DIS3: variants seen among roughly 807,000 people sequenced by gnomAD.
The protein encoded by DIS3 is DIS3 exosome endoribonuclease and 3'-5' exoribonuclease.
DIS3 carries 103 observed loss-of-function variants against 113.0 expected under a neutral mutation model. That is an observed-to-expected ratio of 0.91 (90% CI 0.78 to 1.07). DIS3 has a LOEUF of 1.07. Ranked by LOEUF, DIS3 falls within the 50% of genes least tolerant of loss-of-function variation. The pLI is 0.00. For missense variants in DIS3, 1,121 were observed against 1,167.1 expected, an observed-to-expected ratio of 0.96 and a Z score of 0.58; for synonymous variants, 402 against 394.3, an observed-to-expected ratio of 1.02 and a Z score of -0.23.
At position 72,755,188 on chromosome 13, in the gene DIS3, C is replaced by T. The variant is rs773461818; in HGVS notation, c.*4607G>A. The T allele has an allele frequency of 8.1e-6, 13 of 1,613,564 alleles. No homozygotes were observed. Among genetic ancestry groups the T allele is most frequent in the Middle Eastern group, 1.6e-4 (1 of 6,082 alleles). ...ACACAGAGGTGTTGGATGAAAACAG[C>T]AAGCCCTTTTCAATGCAGCAGTCCA... On this transcript the variant is annotated 3_prime_UTR_variant, in exon 21 of 21. Coordinates refer to ENST00000377767, the MANE Select transcript of DIS3 (RefSeq NM_014953.5).
In DIS3 at chr13:72,753,861, T is replaced by A. The variant is rs948915480; in HGVS notation, c.*5934A>T. On this transcript the variant is annotated 3_prime_UTR_variant, in exon 21 of 21. Coordinates refer to ENST00000377767, the MANE Select transcript of DIS3 (RefSeq NM_014953.5). ...TAGTGAAAGCTTAATATTGTTTAGA[T>A]TAGAAATATAAAATAATTTTGATTA... is the stretch of plus-strand genomic sequence containing the variant. 1.4e-5 allele frequency: 22 copies of A among 1,536,234 alleles called. No individual in the cohort carries two copies. In the East Asian group the frequency reaches 4.5e-4, roughly 31 times the overall value.
rs143152331 is a variant in DIS3, at chr13:72,767,831, T to C, written c.1883+954A>G. On this transcript the variant is annotated intron_variant, in intron 14 of 20. Transcript: ENST00000377767. Reference sequence around the variant, plus strand: ...CACCTTTAGTAACTGCTTGTGACCCTATCCTAGAGGGGCTTGGGAACTCTG... The same window carrying C: ...CACCTTTAGTAACTGCTTGTGACCCCATCCTAGAGGGGCTTGGGAACTCTG... Among the ~76,000 whole-genome samples, 1,152 of 152,334 alleles carry C rather than the reference T, an allele frequency of 7.6e-3. 14 individuals carry two copies. The highest frequency in any genetic ancestry group is 0.014 in the Middle Eastern group (4 of 294).
At chr13:72,781,069 C>A (rs2034189230) in intron 1 of DIS3, 66 bp from the exon 2 acceptor site, 2 of 1,486,140 alleles carry the variant, frequency 1.3e-6, no homozygotes, top group Non-Finnish European at 1.8e-6. Flanking sequence ...AACATAAAAT[C>A]CTGTTTTATG....
chr13:72,779,750 G>A (rs1438796532), intron 2 of DIS3, among the ~76,000 whole-genome samples: 2 of 149,928 alleles, frequency 1.3e-5, no homozygotes, highest in Non-Finnish European at 3.0e-5. Context: ...ACAACTGAGT[G>A]GTGGTGGTGG....
chr13:72,781,016 TAA>T lies in DIS3; in HGVS notation c.229-15_229-14del. On this transcript the variant is annotated splice_polypyrimidine_tract_variant and intron_variant, in intron 1 of 20. Coordinates refer to ENST00000377767, the MANE Select transcript of DIS3 (RefSeq NM_014953.5). ...CAAGAACATCAATCTTAAAGAAAGA[TAA>T]AGTTAATTTTTCCTATATTCATTTG... 1 of 1,586,440 alleles carries T rather than the reference TAA, an allele frequency of 6.3e-7. No homozygotes were observed. Among genetic ancestry groups the T allele is most frequent in the Non-Finnish European group, 8.5e-7 (1 of 1,170,432 alleles).
chr13:72,761,859 A>G (rs2033634004), intron 17 of DIS3, 45 bp from the exon 18 acceptor site: 1 of 1,611,852 alleles, frequency 6.2e-7, no homozygotes, highest in South Asian at 1.1e-5. Context: ...CAGTACTAAT[A>G]TGTGCTTTTA....
intron 14 of DIS3, among the ~76,000 whole-genome samples, chr13:72,766,459 GA>G (rs2033753747): frequency 6.6e-6 from 1 of 152,166 alleles, no homozygotes; most frequent in Non-Finnish European, 1.5e-5. Flanking sequence ...GGACAATAAA[GA>G]GGGGCAAAAG....
chr13:72,754,948 G>A lies in DIS3; in HGVS notation c.*4847C>T, dbSNP rs8002668. On this transcript the variant is annotated 3_prime_UTR_variant, in exon 21 of 21. Transcript: ENST00000377767. The stretch of plus-strand genomic sequence containing the variant: ...GGGCTAGTCCCAAACTCCTGGGCTC[G>A]TGCGATCCTCCCACCTTGGCCTCTC... 0.76 allele frequency: 376,430 copies of A among 493,276 alleles called. 144,498 individuals carry two copies. The highest frequency in any genetic ancestry group is 0.85 in the South Asian group (32,601 of 38,538). 30.6% of individuals were successfully genotyped at this position (493,276 alleles called of 1,614,324 possible). A position where few individuals can be genotyped will look rare whatever the true frequency, so the allele number is the denominator to read the frequency against.
In DIS3 at chr13:72,773,585, A is replaced by T. The variant is rs374273821; in HGVS notation, c.1239+99T>A. The T allele has an allele frequency of 4.3e-5, 57 of 1,326,670 alleles. No individual in the cohort carries two copies. The East Asian group carries it at 1.1e-3, about 26-fold the overall frequency. 82.2% of individuals were successfully genotyped at this position (1,326,670 alleles called of 1,614,324 possible). A position where few individuals can be genotyped will look rare whatever the true frequency, so the allele number is the denominator to read the frequency against. On this transcript the variant is annotated intron_variant, in intron 8 of 20. Transcript: ENST00000377767. ...TGAAATATCTCTAAATTTCAGTACA[A>T]ATTCTACATAAAAGTAGATTGTTTT...
rs754720975 is a variant in DIS3, at chr13:72,776,093, C to T, written c.655-1G>A. ...TTATTTTTCCACTTTCTATTTCATTCTATGAAAGAAGCAAACCAAAAGATG... is the reference window on the plus strand; with the variant it reads ...TTATTTTTCCACTTTCTATTTCATTTTATGAAAGAAGCAAACCAAAAGATG... On this transcript the variant is annotated splice_acceptor_variant, in intron 4 of 20. Transcript: ENST00000377767. LOFTEE classifies it high-confidence loss of function. 6.3e-7 allele frequency: 1 copy of T among 1,589,012 alleles called. No homozygotes were observed. Among genetic ancestry groups the T allele is most frequent in the South Asian group, 1.2e-5 (1 of 85,838 alleles).
intron 2 of DIS3, among the ~76,000 whole-genome samples, chr13:72,779,481 G>A (rs1296666178): frequency 6.6e-6 from 1 of 151,420 alleles, no homozygotes; most frequent in African/African-American, 2.4e-5. Flanking sequence ...TTTTAAACTT[G>A]GGTCTTTCTG....
At chr13:72,765,949 T>C (rs776086789) in intron 15 of DIS3, 23 bp downstream of exon 15, 26 of 1,553,352 alleles carry the variant, frequency 1.7e-5, no homozygotes, top group Middle Eastern at 1.7e-4. Flanking sequence ...TCTTATCTAA[T>C]GCCCATCAAA....
intron 15 of DIS3, among the ~76,000 whole-genome samples, chr13:72,764,215 G>A (rs2033697414): frequency 6.6e-6 from 1 of 151,986 alleles, no homozygotes; most frequent in South Asian, 2.1e-4. Context: ...TAAATGAAAT[G>A]AAAACAAGCA....
chr13:72,753,602 G>A lies in DIS3; in HGVS notation c.*6193C>T. Reference sequence around the variant, plus strand: ...TACATGTTAGGATCATTCAGATGTAGTGAATGAGAGTTTATAGTGGTTTAC... The same window carrying A: ...TACATGTTAGGATCATTCAGATGTAATGAATGAGAGTTTATAGTGGTTTAC... On this transcript the variant is annotated 3_prime_UTR_variant, in exon 21 of 21. Transcript: ENST00000377767. The A allele has an allele frequency of 1.5e-6, 2 of 1,299,282 alleles. No individual in the cohort carries two copies. Among genetic ancestry groups the A allele is most frequent in the Non-Finnish European group, 2.1e-6 (2 of 932,376 alleles). 80.5% of individuals were successfully genotyped at this position (1,299,282 alleles called of 1,614,324 possible).
At position 72,765,958 on chromosome 13, in the gene DIS3, A is replaced by C. The variant is rs764854402; in HGVS notation, c.1970+14T>G. On this transcript the variant is annotated intron_variant, in intron 15 of 20. Coordinates refer to ENST00000377767, the MANE Select transcript of DIS3 (RefSeq NM_014953.5). ...AAAAAATCTTATCTAATGCCCATCA[A>C]AAAAATTACAAACCTAAGTTCCTTG... The C allele has an allele frequency of 6.3e-6, 10 of 1,583,734 alleles. No homozygotes were observed. The highest frequency in any genetic ancestry group is 3.4e-4 in the Middle Eastern group (2 of 5,938).
rs1265253285 is a variant in DIS3 at position 72,755,370 on chromosome 13, AG to A, written c.*4424del. On this transcript the variant is annotated 3_prime_UTR_variant, in exon 21 of 21. Transcript: ENST00000377767. ...TGAAAAATCAAGGGCTTACTGACAT[AG>A]GAACAACAGAAATGCTCCTGGAACT... 15 of 570,446 alleles carry A rather than the reference AG, an allele frequency of 2.6e-5. No homozygotes were observed. Among genetic ancestry groups the A allele is most frequent in the Non-Finnish European group, 4.6e-5 (15 of 328,674 alleles). 35.3% of individuals were successfully genotyped at this position (570,446 alleles called of 1,614,324 possible).
Position 72,755,701 on chromosome 13 carries a change from G to C in DIS3, c.*4094C>G. On this transcript the variant is annotated 3_prime_UTR_variant, in exon 21 of 21. Coordinates refer to ENST00000377767, the MANE Select transcript of DIS3 (RefSeq NM_014953.5). Reference sequence around the variant, plus strand: ...TCAAAGATACAAAAGAAATTAAACAGGTTTCCTGAAATTTTAGTTCTTGGT... The same window carrying C: ...TCAAAGATACAAAAGAAATTAAACACGTTTCCTGAAATTTTAGTTCTTGGT... The C allele has an allele frequency of 2.5e-6, 1 of 396,236 alleles. No homozygotes were observed. Among genetic ancestry groups the C allele is most frequent in the Non-Finnish European group, 4.4e-6 (1 of 225,120 alleles). The allele number at this position is 396,236 out of a possible 1,614,324, so 24.5% of individuals were successfully genotyped here.
chr13:72,763,491 G>C lies in DIS3; in HGVS notation c.2087C>G (p.Pro696Arg). Residue 696 changes from proline (P) to arginine (R), a missense_variant, in exon 16 of 21, where the codon CCA (proline) becomes CGA (arginine). By Grantham distance (103) the Pro-to-Arg change is moderately radical. Coordinates refer to ENST00000377767, the MANE Select transcript of DIS3 (RefSeq NM_014953.5). ...CTTAACAAGAATTTCATAATTTGAT[G>C]GAGGTGGAGCAGGATGTTTTCGAAG... ...ALLRKHPAPP[P>R]SNYEILVKAA... is the part of the protein sequence containing the mutation. 1.2e-6 allele frequency: 2 copies of C among 1,613,472 alleles called. No individual in the cohort carries two copies. Among genetic ancestry groups the C allele is most frequent in the Non-Finnish European group, 1.7e-6 (2 of 1,179,874 alleles).
chr13:72,780,034 A>C (rs1226218767), intron 2 of DIS3, among the ~76,000 whole-genome samples: 2 of 152,000 alleles, frequency 1.3e-5, no homozygotes, highest in Non-Finnish European at 2.9e-5. Flanking sequence ...CACAACAAAG[A>C]ATTATATTCC....
Sources: allele counts gnomAD v4.1 joint callset (sites outside exome capture counted in the v4.1 genomes callset), GRCh38; gene constraint gnomAD v4.1.1; transcripts MANE v1.5; gene names NCBI Gene and HGNC (gene_info 2026-07-23, HGNC 2026-07-21).